Variants in DGLUCY observed in about 807,000 individuals in gnomAD.
DGLUCY encodes the protein D-glutamate cyclase.
A neutral mutation model predicts 58.5 loss-of-function variants in DGLUCY; 58 were observed. That is an observed-to-expected ratio of 0.99 (90% CI 0.80 to 1.23). DGLUCY has a LOEUF of 1.23. DGLUCY is among the 50% of genes most tolerant of loss of function. The pLI is 0.00. For missense variants in DGLUCY, 779 were observed against 784.7 expected (o/e 0.99, Z 0.09); for synonymous variants, 325 against 314.1 (o/e 1.03, Z -0.37).
At chr14:91,167,778 C>G in intron 4 of DGLUCY, 1 of 644,734 alleles carries the variant, frequency 1.6e-6, no homozygotes, top group Middle Eastern at 2.5e-4. Flanking sequence ...TAGAACCTAT[C>G]TAGTAAATGG....
At chr14:91,204,241 C>T (rs1384669777) in intron 11 of DGLUCY, among the ~76,000 whole-genome samples, 2 of 152,158 alleles carry the variant, frequency 1.3e-5, no homozygotes, top group African/African-American at 4.8e-5. Flanking sequence ...AGATGTTAAC[C>T]AGGTACCCCT....
rs898433920 is a variant in DGLUCY at position 91,070,014 on chromosome 14, GA to G, written c.-82+9318del. Among the ~76,000 whole-genome samples the G allele has an allele frequency of 2.0e-4, 30 of 150,232 alleles. No individual in the cohort carries two copies. In the South Asian group the frequency reaches 3.3e-3, roughly 17 times the overall value. On this transcript the variant is annotated intron_variant, in intron 1 of 4. Coordinates refer to the DGLUCY transcript ENST00000521334. ...TGAAAAAACTGGGAATTAATTTAAA[GA>G]AAAAAAATCGACTTTAGTATAGGTG... is the stretch of plus-strand genomic sequence containing the variant.
chr14:91,128,626 A>ACC (rs574885682), intron 1 of DGLUCY, among the ~76,000 whole-genome samples: 52 of 151,102 alleles, frequency 3.4e-4, no homozygotes, highest in African/African-American at 1.2e-3. Flanking sequence ...TTTGTTTCTC[A>ACC]CCCCCCCTTT....
intron 3 of DGLUCY, chr14:91,165,485 G>A (rs958451669): frequency 1.8e-5 from 6 of 332,682 alleles, no homozygotes; most frequent in Non-Finnish European, 2.4e-5. Flanking sequence ...CTTCCATTGC[G>A]GAGGAAGGCT....
chr14:91,136,545 A>T (rs2046347131), intron 1 of DGLUCY, among the ~76,000 whole-genome samples: 2 of 151,540 alleles, frequency 1.3e-5, no homozygotes, highest in African/African-American at 2.4e-5. Flanking sequence ...TTAACCAGGC[A>T]TGGTGGTAGG....
At chr14:91,146,454 T>G (rs1308874221) in intron 1 of DGLUCY, among the ~76,000 whole-genome samples, 1 of 152,242 alleles carries the variant, frequency 6.6e-6, no homozygotes, top group Non-Finnish European at 1.5e-5. Context: ...GGGGCATCTA[T>G]GCCCACTAAC....
chr14:91,092,123 C>G (rs368959794), intron 1 of DGLUCY, among the ~76,000 whole-genome samples: 1 of 152,198 alleles, frequency 6.6e-6, no homozygotes, highest in Non-Finnish European at 1.5e-5. Flanking sequence ...TTCCTTGGAG[C>G]CTTTCCTGAT....
At chr14:91,161,587 A>G (rs951523890) in intron 3 of DGLUCY, among the ~76,000 whole-genome samples, 3 of 152,186 alleles carry the variant, frequency 2.0e-5, no homozygotes, top group African/African-American at 7.2e-5. Flanking sequence ...GTGGTCGCCA[A>G]ACTTCTTTAC....
rs112961657 is a variant in DGLUCY at position 91,204,852 on chromosome 14, C to T, written c.1564+27C>T. 539 of 1,613,378 alleles carry T rather than the reference C, an allele frequency of 3.3e-4. 4 individuals carry two copies. The African/African-American group carries it at 6.2e-3, about 19-fold the overall frequency. On this transcript the variant is annotated intron_variant, in intron 12 of 13. Coordinates refer to ENST00000256324, the MANE Select transcript of DGLUCY (RefSeq NM_001102368.3). ...TGAGCACTCGGATGGCCGCCCAGTC[C>T]GGCCGGCTACCCAGGGTGAGCGACC...
chr14:91,100,730 C>G (rs2044470923), intron 1 of DGLUCY, among the ~76,000 whole-genome samples: 5 of 152,166 alleles, frequency 3.3e-5, no homozygotes. Flanking sequence ...CCCACAGTAT[C>G]TAGGAATCTG....
chr14:91,085,564 T>G (rs7159659), intron 1 of DGLUCY, among the ~76,000 whole-genome samples: 8 of 124,006 alleles, frequency 6.5e-5, no homozygotes, highest in African/African-American at 2.6e-4. Context: ...TTTTTTTTTG[T>G]TTTTTTTTTT....
At chr14:91,069,799 C>CTT (rs5810528) in intron 1 of DGLUCY, among the ~76,000 whole-genome samples, 3,439 of 120,984 alleles carry the variant, frequency 0.028, 193 homozygotes, top group South Asian at 0.1. Context: ...TGATATGCCT[C>CTT]TTTTTTTTTT....
At chr14:91,082,395 T>A (rs1327466978) in intron 1 of DGLUCY, among the ~76,000 whole-genome samples, 1 of 152,196 alleles carries the variant, frequency 6.6e-6, no homozygotes, top group African/African-American at 2.4e-5. Flanking sequence ...GGAGGCCTTA[T>A]CGAAACAGCC....
intron 1 of DGLUCY, among the ~76,000 whole-genome samples, chr14:91,145,964 G>T (rs1360399773): frequency 1.3e-5 from 2 of 152,014 alleles, no homozygotes; most frequent in Non-Finnish European, 2.9e-5. Context: ...CAGCAGCCTT[G>T]ACCTCTGAGG....
At chr14:91,122,725 C>A (rs1361444959) in intron 1 of DGLUCY, among the ~76,000 whole-genome samples, 1 of 150,142 alleles carries the variant, frequency 6.7e-6, no homozygotes, top group Non-Finnish European at 1.5e-5. Context: ...GCCTCAGCCT[C>A]CTGAGTAGGA....
intron 1 of DGLUCY, among the ~76,000 whole-genome samples, chr14:91,077,824 A>G (rs1403620046): frequency 6.6e-6 from 1 of 151,436 alleles, no homozygotes; most frequent in Non-Finnish European, 1.5e-5. Flanking sequence ...AGAGAAAGAA[A>G]GAGAAAGAGG....
chr14:91,113,436 T>C (rs151150010), upstream of DGLUCY, among the ~76,000 whole-genome samples: 150 of 152,334 alleles, frequency 9.8e-4, 1 homozygote, highest in Middle Eastern at 0.027. Context: ...GAGAAAATCA[T>C]GGTCATAGTT....
At chr14:91,140,027 A>G (rs555139366) in intron 1 of DGLUCY, among the ~76,000 whole-genome samples, 10 of 152,354 alleles carry the variant, frequency 6.6e-5, no homozygotes, top group Middle Eastern at 3.4e-3. Flanking sequence ...ACATAGAGTA[A>G]CTACCTGCAG....
intron 11 of DGLUCY, among the ~76,000 whole-genome samples, chr14:91,202,636 G>A (rs2050642321): frequency 6.6e-6 from 1 of 152,168 alleles, no homozygotes; most frequent in Admixed American, 6.5e-5. Context: ...ACCTCAGCCT[G>A]TGGGGGAGGG....
Sources: gnomAD v4.1 joint callset for allele counts (sites outside exome capture counted in the v4.1 genomes callset) on GRCh38, gnomAD v4.1.1 for gene constraint, MANE v1.5 for transcripts, NCBI Gene and HGNC (gene_info 2026-07-23, HGNC 2026-07-21) for gene names.